Variants in ATP6V1E2 observed in about 807,000 individuals in gnomAD.
ATP6V1E2 encodes V-type proton ATPase subunit E 2.
For missense variants in ATP6V1E2, 308 were observed against 273.3 expected (o/e 1.13, Z -0.90); for synonymous variants, 121 against 104.2 (o/e 1.16, Z -0.98).
At chr2:46,518,526 AATGCTAT>A (rs1553412705) in intron 4 of ATP6V1E2, among the ~76,000 whole-genome samples, 1 of 90,640 alleles carries the variant, frequency 1.1e-5, no homozygotes, top group Non-Finnish European at 2.7e-5. Flanking sequence ...CACACACACA[AATGCTAT>A]CCCAGAAACC....
At chr2:46,533,061 T>A (rs1024077223) in intron 4 of ATP6V1E2, among the ~76,000 whole-genome samples, 1 of 149,888 alleles carries the variant, frequency 6.7e-6, no homozygotes, top group African/African-American at 2.4e-5. Flanking sequence ...ATTGTGTTTT[T>A]TATTTTTTTA....
intron 4 of ATP6V1E2, among the ~76,000 whole-genome samples, chr2:46,514,614 A>AAGAAAAGAAGAATGAGAAAG (rs1332730493): frequency 6.6e-6 from 1 of 152,222 alleles, no homozygotes; most frequent in Admixed American, 6.5e-5. Flanking sequence ...AAGGAGCAAA[A>AAGAAAAGAAGAATGAGAAAG]AGAAAAGAAG....
intron 4 of ATP6V1E2, among the ~76,000 whole-genome samples, chr2:46,529,680 C>G (rs181141241): frequency 1.3e-5 from 2 of 152,112 alleles, no homozygotes; most frequent in African/African-American, 4.8e-5. Flanking sequence ...CACTAGAGCC[C>G]AGGCATTTGA....
intron 4 of ATP6V1E2, among the ~76,000 whole-genome samples, chr2:46,529,496 T>C (rs1220723724): frequency 6.6e-6 from 1 of 152,254 alleles, no homozygotes; most frequent in Non-Finnish European, 1.5e-5. Context: ...GGCTCACGCC[T>C]GTAATCCCAG....
intron 4 of ATP6V1E2, among the ~76,000 whole-genome samples, 168 bp from the exon 5 acceptor site, chr2:46,512,980 T>C (rs1225686657): frequency 6.6e-6 from 1 of 152,190 alleles, no homozygotes; most frequent in African/African-American, 2.4e-5. Flanking sequence ...AACCAGGATC[T>C]CCAGAATTCT....
At position 46,530,544 on chromosome 2, in the gene ATP6V1E2, C is replaced by CAGTATGGCTGGA. The variant is rs1315385915; in HGVS notation, c.-102+5257_-102+5268dup. Among the ~76,000 whole-genome samples the CAGTATGGCTGGA allele has an allele frequency of 6.6e-6, 1 of 152,246 alleles. No individual in the cohort carries two copies. ...GTGTTATTATATATGATATAATTAT[C>CAGTATGGCTGGA]AGTATGGCTGGATTTAAGTCTTTTA... On this transcript the variant is annotated intron_variant, in intron 4 of 4. Coordinates refer to ENST00000522587, the MANE Select transcript of ATP6V1E2 (RefSeq NM_001318063.2). The surrounding 1 kb of genome is among the most constrained non-coding windows in gnomAD (Gnocchi z 5.2).
chr2:46,528,390 T>G (rs932732437), intron 4 of ATP6V1E2, among the ~76,000 whole-genome samples: 1 of 152,218 alleles, frequency 6.6e-6, no homozygotes, highest in Non-Finnish European at 1.5e-5. Context: ...CCCCCCAAAA[T>G]AGCCCTCTTT....
intron 4 of ATP6V1E2, among the ~76,000 whole-genome samples, chr2:46,524,580 G>C (rs1448862361): frequency 6.6e-6 from 1 of 152,192 alleles, no homozygotes; most frequent in African/African-American, 2.4e-5. Context: ...AAAATGGGAT[G>C]GGATAAGGGG....
At chr2:46,537,999 C>G (rs1186618472) in intron 2 of ATP6V1E2, among the ~76,000 whole-genome samples, 1 of 152,100 alleles carries the variant, frequency 6.6e-6, no homozygotes, top group East Asian at 1.9e-4. Context: ...TAGATGAAAT[C>G]ATAATGTAGA....
intron 2 of ATP6V1E2, among the ~76,000 whole-genome samples, chr2:46,539,137 T>A (rs1558672701): frequency 6.6e-6 from 1 of 152,214 alleles, no homozygotes; most frequent in Non-Finnish European, 1.5e-5. Context: ...CAAATGGTGC[T>A]GTTCTGGATA....
Position 46,512,164 on chromosome 2 carries a change from A to T in ATP6V1E2, c.548T>A (p.Val183Asp), listed in dbSNP as rs1255977337. ...CTTTATTCTCTGATTGCCACTGTAG[A>T]CCTCCACACCTCCAGCTGCATTCAC... ...LAVNAAGGVE[V>D]YSGNQRIKVS... The change falls in exon 5 of 5, where the codon GTC becomes GAC. Residue 183 changes from valine (V) to aspartate (D), a missense_variant. Val to Asp is a radical substitution (Grantham distance 152, BLOSUM62 -3). Transcript: ENST00000522587. The T allele has an allele frequency of 1.9e-5, 31 of 1,613,900 alleles. No homozygotes were observed. Among genetic ancestry groups the T allele is most frequent in the Non-Finnish European group, 2.6e-5 (31 of 1,180,006 alleles).
intron 4 of ATP6V1E2, among the ~76,000 whole-genome samples, chr2:46,518,396 G>C (rs182305173): frequency 6.6e-6 from 1 of 151,794 alleles, no homozygotes; most frequent in East Asian, 1.9e-4. Flanking sequence ...CGTGATGCAA[G>C]ATGAAAAAGT....
intron 4 of ATP6V1E2, among the ~76,000 whole-genome samples, chr2:46,531,104 CCTCT>C (rs1250107425): frequency 6.6e-6 from 1 of 152,134 alleles, no homozygotes; most frequent in Non-Finnish European, 1.5e-5. Flanking sequence ...ACAACCATTG[CCTCT>C]ATCTAGCTTC....
chr2:46,526,809 G>C (rs1054817065), intron 4 of ATP6V1E2, among the ~76,000 whole-genome samples: 2 of 151,924 alleles, frequency 1.3e-5, no homozygotes, highest in African/African-American at 4.8e-5. Flanking sequence ...CTCCTTTCTT[G>C]GCTGTTGTGA....
chr2:46,535,971 GA>G lies in ATP6V1E2; in HGVS notation c.-216-45del, dbSNP rs1304298446. 2 of 152,252 alleles carry G rather than the reference GA, an allele frequency of 1.3e-5. No individual in the cohort carries two copies. Among genetic ancestry groups the G allele is most frequent in the East Asian group, 3.9e-4 (2 of 5,174 alleles). The allele number at this position is 152,252 out of a possible 1,614,324, so 9.4% of individuals were successfully genotyped here. On this transcript the variant is annotated intron_variant, in intron 3 of 4. Transcript: ENST00000522587. This position sits in a 1 kb window ranked among gnomAD's most constrained non-coding sequence, Gnocchi z 4.4. ...TCATTAATTTCATTTTTGGAGGAGGGATCTGTGATCTAGCCTCCTTTGGAGC... is the reference window on the plus strand; with the variant it reads ...TCATTAATTTCATTTTTGGAGGAGGGTCTGTGATCTAGCCTCCTTTGGAGC...
chr2:46,512,337 G>A lies in ATP6V1E2; in HGVS notation c.375C>T (p.Leu125=). Residue 125 remains leucine (L), a synonymous_variant, in exon 5 of 5, where the codon CTC becomes CTT. Coordinates refer to ENST00000522587, the MANE Select transcript of ATP6V1E2 (RefSeq NM_001318063.2). ...LLDKLVLQGL[L]RLLEPVMIVR... The stretch of plus-strand genomic sequence containing the variant: ...CAATCATCACAGGTTCCAGCAGTCG[G>A]AGCAGACCCTGGAGCACCAGTTTAT... 2 of 1,613,776 alleles carry A rather than the reference G, an allele frequency of 1.2e-6. No homozygotes were observed. The highest frequency in any genetic ancestry group is 1.7e-6 in the Non-Finnish European group (2 of 1,179,864).
At chr2:46,534,157 C>T (rs1449646980) in intron 4 of ATP6V1E2, 4 of 152,162 alleles carry the variant, frequency 2.6e-5, no homozygotes, top group Admixed American at 1.3e-4. Flanking sequence ...AAATCATCAC[C>T]GTTAATCCTT....
chr2:46,512,212 A>T lies in ATP6V1E2; in HGVS notation c.500T>A (p.Ile167Asn), dbSNP rs372396140. The change falls in exon 5 of 5, where the codon ATT (isoleucine) becomes AAT (asparagine). Residue 167 changes from isoleucine (I) to asparagine (N), a missense_variant. Coordinates refer to ENST00000522587, the MANE Select transcript of ATP6V1E2 (RefSeq NM_001318063.2). ...CACAGCCAGGTATGCCTCTTTATCA[A>T]TCTGGACCTCCACATGTTTCTGGGA... ...TISQKHVEVQ[I>N]DKEAYLAVNA... 2 of 1,614,122 alleles carry T rather than the reference A, an allele frequency of 1.2e-6. No individual in the cohort carries two copies. Among genetic ancestry groups the T allele is most frequent in the Non-Finnish European group, 1.7e-6 (2 of 1,180,018 alleles).
At position 46,512,577 on chromosome 2, in the gene ATP6V1E2, G is replaced by A. The variant is rs534604492; in HGVS notation, c.135C>T (p.Leu45=). The A allele has an allele frequency of 7.4e-5, 120 of 1,614,100 alleles. 1 individual carries two copies. The highest frequency in any genetic ancestry group is 5.9e-4 in the South Asian group (54 of 91,078). The change falls in exon 5 of 5, where the codon CTC becomes CTT. Residue 45 remains leucine, a synonymous_variant. Transcript: ENST00000522587. ...EEEFNIEKGR[L]VQTQRLKIME... ...TAATCTTCAGTCGTTGGGTTTGCAC[G>A]AGGCGTCCTTTCTCAATGTTAAACT... is the stretch of plus-strand genomic sequence containing the variant.
Sources: gnomAD v4.1 joint callset for allele counts (sites outside exome capture counted in the v4.1 genomes callset) on GRCh38, gnomAD v4.1.1 for gene constraint, Gnocchi (gnomAD v3.1) non-coding constraint, MANE v1.5 for transcripts, NCBI Gene and HGNC (gene_info 2026-07-23, HGNC 2026-07-21) for gene names.